Variants in ZBTB16 observed in about 807,000 individuals in gnomAD.
ZBTB16 encodes the protein zinc finger and BTB domain containing 16.
Under a neutral mutation model 56.8 loss-of-function variants are expected in ZBTB16, and 8 were observed. The ratio of observed to expected loss-of-function variants is 0.14; its 90% CI spans 0.08 to 0.25. The LOEUF (loss-of-function observed/expected upper bound fraction) is 0.25, where lower values mean the gene tolerates loss of function less well. Ranked by LOEUF, ZBTB16 falls within the 10% of genes least tolerant of loss-of-function variation. The pLI is 1.00. For missense variants in ZBTB16, 625 were observed against 903.0 expected (o/e 0.69, Z 3.95); for synonymous variants, 363 against 368.5 (o/e 0.98, Z 0.17).
At chr11:114,163,657 C>A (rs915320758) in intron 3 of ZBTB16, among the ~76,000 whole-genome samples, 1 of 152,098 alleles carries the variant, frequency 6.6e-6, no homozygotes, top group South Asian at 2.1e-4. Context: ...TTCTCTCCCA[C>A]CCCTTCACCT....
intron 2 of ZBTB16, among the ~76,000 whole-genome samples, chr11:114,100,396 G>C (rs1188887799): frequency 6.6e-6 from 1 of 152,178 alleles, no homozygotes; most frequent in African/African-American, 2.4e-5. Context: ...GCTGTGTTGT[G>C]ATCCAGGGAT....
intron 2 of ZBTB16, among the ~76,000 whole-genome samples, chr11:114,129,743 A>G (rs1342588932): frequency 6.6e-6 from 1 of 152,262 alleles, no homozygotes; most frequent in African/African-American, 2.4e-5. Flanking sequence ...GCAAGCCGCA[A>G]TGACGCTGCG....
chr11:114,198,752 CATT>C (rs1943662927), intron 4 of ZBTB16, among the ~76,000 whole-genome samples: 2 of 152,178 alleles, frequency 1.3e-5, no homozygotes, highest in African/African-American at 2.4e-5. Flanking sequence ...GCTGGCACAT[CATT>C]GTCACCCAGG....
intron 4 of ZBTB16, among the ~76,000 whole-genome samples, chr11:114,224,886 C>T (rs536480297): frequency 6.6e-6 from 1 of 152,262 alleles, no homozygotes; most frequent in African/African-American, 2.4e-5. Flanking sequence ...ACATGGGAGT[C>T]GCTGGATATC....
At chr11:114,105,803 A>G (rs1591670972) in intron 2 of ZBTB16, among the ~76,000 whole-genome samples, 1 of 152,232 alleles carries the variant, frequency 6.6e-6, no homozygotes, top group East Asian at 1.9e-4. Flanking sequence ...CGAGGGTACC[A>G]TAAAAGAGAC....
chr11:114,109,254 G>T (rs938114571), intron 2 of ZBTB16, among the ~76,000 whole-genome samples: 15 of 152,206 alleles, frequency 9.9e-5, no homozygotes, highest in Non-Finnish European at 1.9e-4. Flanking sequence ...TGACTTTATT[G>T]CTCTTATAGA....
chr11:114,232,300 C>G (rs569795909), intron 4 of ZBTB16, among the ~76,000 whole-genome samples: 52 of 152,264 alleles, frequency 3.4e-4, no homozygotes, highest in Admixed American at 5.2e-4. Context: ...CCACCTACCC[C>G]CAAATGCAGG....
At chr11:114,132,363 GAATC>G (rs905192518) in intron 2 of ZBTB16, among the ~76,000 whole-genome samples, 1 of 152,114 alleles carries the variant, frequency 6.6e-6, no homozygotes, top group African/African-American at 2.4e-5. Context: ...TTGATTTTCT[GAATC>G]ACTCACAAAG....
chr11:114,179,280 T>TAGAGAGAGAGAGAGAG (rs113097570), intron 3 of ZBTB16, among the ~76,000 whole-genome samples: 1 of 149,714 alleles, frequency 6.7e-6, no homozygotes, highest in Non-Finnish European at 1.5e-5. Context: ...GAGAGAGAGC[T>TAGAGAGAGAGAGAGAG]AGAGAGAGAG....
chr11:114,129,068 G>A (rs1941595144), intron 2 of ZBTB16, among the ~76,000 whole-genome samples: 1 of 152,308 alleles, frequency 6.6e-6, no homozygotes, highest in Middle Eastern at 3.4e-3. Context: ...GGTCTGCGTG[G>A]GTGGGGGCGT....
At chr11:114,074,340 C>T (rs749345283) in intron 2 of ZBTB16, among the ~76,000 whole-genome samples, 10 of 152,180 alleles carry the variant, frequency 6.6e-5, no homozygotes, top group South Asian at 2.1e-4. Context: ...TGGCCCTTAG[C>T]GTGATCCATC....
rs78688254 is a variant in ZBTB16 at position 114,254,743 on chromosome 11, G to A, written c.*4188G>A. ...CCTCCTCCTTCCTGGAGCCTCTGCC[G>A]GCTTGGCTGTAATGGTGGCACTTAC... On this transcript the variant is annotated 3_prime_UTR_variant, in exon 7 of 7. Coordinates refer to ENST00000335953, the MANE Select transcript of ZBTB16 (RefSeq NM_006006.6). 0.032 allele frequency among the ~76,000 whole-genome samples: 4,813 copies of A among 152,234 alleles called. 235 individuals are homozygous for A. The highest frequency in any genetic ancestry group is 0.11 in the African/African-American group (4,496 of 41,504).
chr11:114,172,151 C>T (rs1365209088), intron 3 of ZBTB16, among the ~76,000 whole-genome samples: 2 of 152,228 alleles, frequency 1.3e-5, no homozygotes, highest in African/African-American at 4.8e-5. Flanking sequence ...CACTCCGAGT[C>T]CATAGGAGTT....
intron 2 of ZBTB16, among the ~76,000 whole-genome samples, chr11:114,082,807 T>G (rs1053858724): frequency 1.3e-5 from 2 of 152,072 alleles, no homozygotes; most frequent in Admixed American, 6.5e-5. Flanking sequence ...GAAGTGACAC[T>G]CTGAAGCTGG....
chr11:114,214,071 C>T (rs1171695555), intron 4 of ZBTB16, among the ~76,000 whole-genome samples: 1 of 152,136 alleles, frequency 6.6e-6, no homozygotes, highest in Non-Finnish European at 1.5e-5. Context: ...AGCAAAAGGT[C>T]ACTGTGTAAT....
intron 5 of ZBTB16, among the ~76,000 whole-genome samples, chr11:114,244,108 C>T (rs1043388323): frequency 1.3e-5 from 2 of 152,158 alleles, no homozygotes; most frequent in African/African-American, 4.8e-5. Context: ...ATTAATATTC[C>T]GTTGTTCTTG....
At chr11:114,241,396 G>A (rs1197940172) in intron 4 of ZBTB16, among the ~76,000 whole-genome samples, 1 of 152,138 alleles carries the variant, frequency 6.6e-6, no homozygotes, top group South Asian at 2.1e-4. Context: ...AGCAGGAGGC[G>A]AGCGAGTGAA....
At chr11:114,159,116 T>C (rs1942506123) in intron 3 of ZBTB16, among the ~76,000 whole-genome samples, 1 of 152,220 alleles carries the variant, frequency 6.6e-6, no homozygotes, top group Non-Finnish European at 1.5e-5. Context: ...TGCATACTCA[T>C]GTCAGGTGGG....
rs1211009132 is a variant in ZBTB16, at chr11:114,253,660, C to T, written c.*3105C>T. 1.3e-5 allele frequency among the ~76,000 whole-genome samples: 2 copies of T among 152,186 alleles called. No individual in the cohort carries two copies. Among genetic ancestry groups the T allele is most frequent in the Non-Finnish European group, 2.9e-5 (2 of 68,040 alleles). ...TCTGAGGGCTACTGTCTGGGGACACCTCTGAACTTACTGTACCTTCCTCTC... is the reference window on the plus strand; with the variant it reads ...TCTGAGGGCTACTGTCTGGGGACACTTCTGAACTTACTGTACCTTCCTCTC... On this transcript the variant is annotated 3_prime_UTR_variant, in exon 7 of 7. Coordinates refer to ENST00000335953, the MANE Select transcript of ZBTB16 (RefSeq NM_006006.6).
Sources: gnomAD v4.1 joint callset for allele counts (sites outside exome capture counted in the v4.1 genomes callset) on GRCh38, gnomAD v4.1.1 for gene constraint, MANE v1.5 for transcripts, NCBI Gene and HGNC (gene_info 2026-07-23, HGNC 2026-07-21) for gene names.